Variants in ZNF730 observed in about 807,000 individuals in gnomAD.
ZNF730 encodes the protein putative zinc finger protein 730.
A neutral mutation model predicts 12.6 loss-of-function variants in ZNF730; 12 were observed. The ratio of observed to expected loss-of-function variants is 0.95; its 90% CI spans 0.61 to 1.54. The LOEUF (loss-of-function observed/expected upper bound fraction) is 1.54, where lower values mean the gene tolerates loss of function less well. Among genes scored for constraint, ZNF730 ranks in the 40% most tolerant of loss-of-function variants. The pLI, the probability that ZNF730 is intolerant of heterozygous loss-of-function variation, is 0.00. For synonymous variants in ZNF730, 194 were observed against 195.8 expected (o/e 0.99, Z 0.08); for missense variants, 643 against 583.5 (o/e 1.10, Z -1.05).
rs191872706 is a variant in ZNF730 at position 23,141,473 on chromosome 19, G to A, written c.227-3798G>A. 4.6e-5 allele frequency among the ~76,000 whole-genome samples: 7 copies of A among 152,230 alleles called. No individual in the cohort carries two copies. In the East Asian group the frequency reaches 1.2e-3, roughly 25 times the overall value. On this transcript the variant is annotated intron_variant, in intron 3 of 3. Coordinates refer to ENST00000597761, the MANE Select transcript of ZNF730 (RefSeq NM_001277403.2). ...TCCCAGCTACTTGGGAGATTAAGGG[G>A]TAAGGATTAATTGAGCCTAAAAGTT... is the stretch of plus-strand genomic sequence containing the variant.
intron 1 of ZNF730, among the ~76,000 whole-genome samples, chr19:23,109,888 C>CT (rs1970441229): frequency 6.6e-6 from 1 of 151,832 alleles, no homozygotes; most frequent in Admixed American, 6.6e-5. Context: ...CTGAGTATAT[C>CT]TAATTGTCAT....
chr19:23,127,870 G>A (rs1184497254), intron 1 of ZNF730: 2 of 659,746 alleles, frequency 3.0e-6, no homozygotes, highest in African/African-American at 1.8e-5. Flanking sequence ...AGAAGAGGAT[G>A]TGATATTACA....
At chr19:23,124,623 C>G (rs146140820) in intron 1 of ZNF730, among the ~76,000 whole-genome samples, 2 of 152,268 alleles carry the variant, frequency 1.3e-5, no homozygotes, top group East Asian at 3.9e-4. Context: ...ATCAGGCTGA[C>G]AAGAGTGGTT....
At chr19:23,080,522 G>A (rs1461748391) in intron 1 of ZNF730, among the ~76,000 whole-genome samples, 4 of 151,930 alleles carry the variant, frequency 2.6e-5, no homozygotes, top group Admixed American at 1.3e-4. Context: ...TTATAGGTGC[G>A]CACCACCATG....
chr19:23,078,000 C>G (rs1331497250), intron 1 of ZNF730, among the ~76,000 whole-genome samples: 1 of 152,142 alleles, frequency 6.6e-6, no homozygotes, highest in Non-Finnish European at 1.5e-5. Flanking sequence ...TCACCAGTCT[C>G]TAATCTCAAG....
chr19:23,108,022 T>C (rs1421572280), intron 1 of ZNF730, among the ~76,000 whole-genome samples: 1 of 152,164 alleles, frequency 6.6e-6, no homozygotes, highest in Non-Finnish European at 1.5e-5. Flanking sequence ...GTACTCAGTA[T>C]ATATGGAACT....
chr19:23,108,259 C>T (rs542395057), intron 1 of ZNF730, among the ~76,000 whole-genome samples: 4 of 152,124 alleles, frequency 2.6e-5, no homozygotes, highest in Admixed American at 2.6e-4. Context: ...TGCCCAGGTT[C>T]AACTCAAGCA....
Position 23,141,394 on chromosome 19 carries a change from C to CA in ZNF730, c.227-3864dup, listed in dbSNP as rs372825703. ...TGGGTGACAGAATGAGACTCCGTCT[C>CA]AAAAAAAAAAAAACAATTTTAAAAT... On this transcript the variant is annotated intron_variant, in intron 3 of 3. Transcript: ENST00000597761. 9.9e-3 allele frequency among the ~76,000 whole-genome samples: 1,191 copies of CA among 119,786 alleles called. 13 individuals carry two copies. Among genetic ancestry groups the CA allele is most frequent in the African/African-American group, 0.025 (844 of 33,396 alleles). The allele number at this position is 119,786 out of a possible 152,430, so 78.6% of individuals were successfully genotyped here. A position where few individuals can be genotyped will look rare whatever the true frequency, so the allele number is the denominator to read the frequency against.
chr19:23,086,904 T>C (rs1321403562), intron 1 of ZNF730, among the ~76,000 whole-genome samples: 1 of 152,230 alleles, frequency 6.6e-6, no homozygotes, highest in Non-Finnish European at 1.5e-5. Context: ...TTTAGTGATA[T>C]GGATTCTTAT....
At chr19:23,103,875 T>G (rs1970362252) in intron 1 of ZNF730, among the ~76,000 whole-genome samples, 1 of 152,204 alleles carries the variant, frequency 6.6e-6, no homozygotes, top group African/African-American at 2.4e-5. Context: ...CCTGGACATT[T>G]TGTTATTCAC....
intron 1 of ZNF730, among the ~76,000 whole-genome samples, chr19:23,117,571 T>G (rs956602862): frequency 1.3e-5 from 2 of 152,160 alleles, no homozygotes; most frequent in African/African-American, 4.8e-5. Context: ...TGTTAAAAAT[T>G]TATGGGAGTC....
chr19:23,135,340 T>G (rs1362760274), intron 2 of ZNF730, among the ~76,000 whole-genome samples: 1 of 151,444 alleles, frequency 6.6e-6, no homozygotes, highest in Non-Finnish European at 1.5e-5. Context: ...TGAGCTGATT[T>G]GTTTCCTTCA....
Position 23,145,272 on chromosome 19 carries a change from T to C in ZNF730, c.228T>C (p.Val76=). The C allele has an allele frequency of 6.6e-7, 1 of 1,511,722 alleles. No individual in the cohort carries two copies. Among genetic ancestry groups the C allele is most frequent in the African/African-American group, 1.4e-5 (1 of 71,528 alleles). The allele number at this position is 1,511,722 out of a possible 1,614,324, so 93.6% of individuals were successfully genotyped here. A position where few individuals can be genotyped will look rare whatever the true frequency, so the allele number is the denominator to read the frequency against. The change falls in exon 4 of 4, where the codon GTT becomes GTC. Residue 76 remains valine, a splice_region_variant and synonymous_variant. Coordinates refer to ENST00000597761, the MANE Select transcript of ZNF730 (RefSeq NM_001277403.2). Reference sequence around the variant, plus strand: ...ATTTGTTATTTTTATTTCTTTCAGTTATATGTTCTCATATTGCCCAAGACC... The same window carrying C: ...ATTTGTTATTTTTATTTCTTTCAGTCATATGTTCTCATATTGCCCAAGACC... ...KTHDMVAKPP[V]ICSHIAQDLW...
At position 23,142,108 on chromosome 19, in the gene ZNF730, T is replaced by A. The variant is rs1970930705; in HGVS notation, c.227-3163T>A. ...CACACGTGTATATACAAATGTTTCA[T>A]AGGTTCCCAGTGAATAAATCTATAA... On this transcript the variant is annotated intron_variant, in intron 3 of 3. Transcript: ENST00000597761. Among the ~76,000 whole-genome samples, 3 of 152,316 alleles carry A rather than the reference T, an allele frequency of 2.0e-5. No homozygotes were observed. The South Asian group carries it at 6.2e-4, about 32-fold the overall frequency.
intron 3 of ZNF730, 111 bp downstream of exon 3, chr19:23,136,154 GT>G: frequency 1.4e-6 from 1 of 723,806 alleles, no homozygotes; most frequent in Non-Finnish European, 1.9e-6. Flanking sequence ...AAAGGAAATA[GT>G]TTCTGTTTCT....
chr19:23,076,608 G>T (rs1969866039), intron 1 of ZNF730, among the ~76,000 whole-genome samples: 3 of 152,186 alleles, frequency 2.0e-5, no homozygotes, highest in Admixed American at 1.3e-4. Context: ...AGGAATGGGA[G>T]TATAGCCTCT....
At chr19:23,113,156 T>C (rs1347378214), upstream of ZNF730, among the ~76,000 whole-genome samples, 1 of 152,214 alleles carries the variant, frequency 6.6e-6, no homozygotes, top group East Asian at 1.9e-4. Flanking sequence ...CATTGGGTAT[T>C]ACAGAGATGC....
chr19:23,134,705 C>G (rs1431739343), intron 2 of ZNF730, among the ~76,000 whole-genome samples: 23 of 141,874 alleles, frequency 1.6e-4, no homozygotes, highest in Admixed American at 1.3e-3. Flanking sequence ...TGCCCGGCCA[C>G]GACCCCGTCT....
chr19:23,103,477 A>G (rs940665896), intron 1 of ZNF730, among the ~76,000 whole-genome samples: 1 of 152,198 alleles, frequency 6.6e-6, no homozygotes, highest in Non-Finnish European at 1.5e-5. Flanking sequence ...CAAAATAAAT[A>G]ATTTAGGATA....
Sources: allele counts gnomAD v4.1 joint callset (sites outside exome capture counted in the v4.1 genomes callset), GRCh38; gene constraint gnomAD v4.1.1; transcripts MANE v1.5; gene names NCBI Gene and HGNC (gene_info 2026-07-23, HGNC 2026-07-21).